MAGIX: variants seen among roughly 807,000 people sequenced by gnomAD.
MAGIX encodes MAGI family member, X-linked.
Under a neutral mutation model 10.0 loss-of-function variants are expected in MAGIX, and 13 were observed. The observed-to-expected ratio is 1.30, with a 90% CI of 0.84 to 2.06. MAGIX has a LOEUF of 2.06. Among genes scored for constraint, MAGIX ranks in the 30% most tolerant of loss-of-function variants. The pLI, the probability that MAGIX is intolerant of heterozygous loss-of-function variation, is 0.00. For synonymous variants in MAGIX, 108 were observed against 106.8 expected, an observed-to-expected ratio of 1.01 and a Z score of -0.07; for missense variants, 235 against 245.2, an observed-to-expected ratio of 0.96 and a Z score of 0.28.
intron 2 of MAGIX, 26 bp from the exon 3 acceptor site, chrX:49,164,681 C>A (rs2065353181): frequency 5.9e-6 from 7 of 1,180,967 alleles, no homozygotes; most frequent in Non-Finnish European, 8.1e-6. Flanking sequence ...CCCCCAACAG[C>A]CCTCTCCACT....
chrX:49,164,683 C>G (rs2065353207), intron 2 of MAGIX, 24 bp from the exon 3 acceptor site: 3 of 1,192,290 alleles, frequency 2.5e-6, no homozygotes, highest in Non-Finnish European at 3.4e-6. Flanking sequence ...CCCAACAGCC[C>G]TCTCCACTGC....
exon 3 of MAGIX, chrX:49,164,903 T>C (rs1265641804): frequency 1.7e-6 from 2 of 1,210,850 alleles, no homozygotes; most frequent in African/African-American, 3.5e-5. Flanking sequence ...CCCCAATTGA[T>C]CCAGGGTAAG....
At chrX:49,163,257 T>TG (rs2065341407) in intron 1 of MAGIX, 1 of 64,502 alleles carries the variant, frequency 1.6e-5, no homozygotes, top group African/African-American at 7.7e-5. Context: ...CTTAGTGAAC[T>TG]GGGGGGAGGG....
chrX:49,164,077 A>T (rs2147861411), intron 2 of MAGIX, 148 bp downstream of exon 2: 1 of 476,042 alleles, frequency 2.1e-6, no homozygotes, highest in South Asian at 8.5e-5. Flanking sequence ...GGGTGCTTCG[A>T]GTGGGAGGAG....
In MAGIX at chrX:49,162,878, G is replaced by C. The variant is rs201686562; in HGVS notation, c.-202+133G>C. On this transcript the variant is annotated intron_variant, in intron 1 of 4. Transcript: ENST00000616266. The stretch of plus-strand genomic sequence containing the variant: ...GCTGGCAGCCCTGCGTCCACCCGGC[G>C]GACTACTGGCCATGGAGCCGCGCAC... 1.5e-4 allele frequency: 140 copies of C among 905,200 alleles called. 4 individuals carry two copies. In the Middle Eastern group the frequency reaches 5.4e-3, roughly 35 times the overall value. 74.6% of individuals were successfully genotyped at this position (905,200 alleles called of 1,213,427 possible).
exon 5 of MAGIX, chrX:49,168,258 C>G (rs2065378968): frequency 9.1e-6 from 1 of 109,369 alleles, no homozygotes; most frequent in Non-Finnish European, 1.9e-5. Context: ...ATCACGAGGT[C>G]AAGAGTTCAA....
At chrX:49,163,424 G>A (rs1178772259) in intron 1 of MAGIX, 13 of 153,015 alleles carry the variant, frequency 8.5e-5, no homozygotes, top group Non-Finnish European at 1.4e-4. Flanking sequence ...GTCAGGCCGT[G>A]TTCTCCCAGG....
At chrX:49,166,083 G>T in exon 5 of MAGIX, 1 of 1,210,831 alleles carries the variant, frequency 8.3e-7, no homozygotes, top group Non-Finnish European at 1.1e-6. Context: ...GTCCCGTCAT[G>T]GCCAGATCGC....
intron 2 of MAGIX, 140 bp downstream of exon 2, chrX:49,164,069 G>T: frequency 1.9e-6 from 1 of 531,548 alleles, no homozygotes; most frequent in Non-Finnish European, 2.7e-6. Context: ...GGATCGGAGG[G>T]TGCTTCGAGT....
intron 1 of MAGIX, chrX:49,163,543 C>A (rs1161231010): frequency 3.1e-5 from 8 of 257,019 alleles, no homozygotes; most frequent in Non-Finnish European, 5.4e-5. Context: ...GTGTCTAGGA[C>A]TATTGCAGTC....
chrX:49,168,513 G>A (rs1248448576), downstream of MAGIX: 2 of 104,263 alleles, frequency 1.9e-5, no homozygotes, highest in African/African-American at 3.5e-5. Flanking sequence ...AGACATGGTG[G>A]TTTGTGCCTG....
intron 4 of MAGIX, chrX:49,165,732 T>G: frequency 3.2e-6 from 1 of 308,679 alleles, no homozygotes; most frequent in South Asian, 8.3e-5. Context: ...ATCCAGAGGG[T>G]AGGGGGTCTA....
chrX:49,166,492 T>A, exon 5 of MAGIX: 1 of 785,676 alleles, frequency 1.3e-6, no homozygotes, highest in Non-Finnish European at 1.8e-6. Context: ...CCCAAGAGCT[T>A]CCACTTGGTT....
intron 1 of MAGIX, chrX:49,162,828 C>A (rs2065337810): frequency 1.5e-6 from 1 of 688,290 alleles, no homozygotes; most frequent in Non-Finnish European, 2.1e-6. Flanking sequence ...GCCAGGTGAG[C>A]GCGCCCCAGA....
Position 49,165,199 on chromosome X carries a change from C to G in MAGIX, c.340C>G (p.Leu114Val), listed in dbSNP as rs5905720. 1,307 of 1,190,906 alleles carry G rather than the reference C, an allele frequency of 1.1e-3. 2 individuals carry two copies. The highest frequency in any genetic ancestry group is 5.5e-3 in the South Asian group (299 of 54,452). ...CATTGCACTCCTCCAGGTCGGGGAC[C>G]TCGTGCTCCACATCAACGGAGAGTC... The change falls in exon 4 of 5, where the codon CTC becomes GTC. Residue 114 changes from leucine (L) to valine (V), a missense_variant. Transcript: ENST00000616266.
intron 4 of MAGIX, chrX:49,165,724 C>G: frequency 3.2e-6 from 1 of 313,722 alleles, no homozygotes. Context: ...GGATGGGGAT[C>G]CAGAGGGTAG....
chrX:49,166,270 C>T (rs2065366736), exon 5 of MAGIX: 1 of 1,195,711 alleles, frequency 8.4e-7, no homozygotes, highest in Non-Finnish European at 1.1e-6. Context: ...CTGAGGATCC[C>T]AACGACCAGA....
chrX:49,163,486 TC>T (rs782792293), intron 1 of MAGIX: 81 of 196,089 alleles, frequency 4.1e-4, no homozygotes, highest in Non-Finnish European at 6.5e-4. Flanking sequence ...GAGTTGGGCA[TC>T]CAGGGTGATT....
At chrX:49,163,630 G>A in intron 1 of MAGIX, 153 bp from the exon 2 acceptor site, 2 of 464,771 alleles carry the variant, frequency 4.3e-6, no homozygotes, top group Non-Finnish European at 3.1e-6. Flanking sequence ...GATCGCGTGA[G>A]GGGAGGGACA....
Sources: allele counts gnomAD v4.1 joint callset, GRCh38; gene constraint gnomAD v4.1.1; transcripts MANE v1.5; gene names NCBI Gene and HGNC (gene_info 2026-07-23, HGNC 2026-07-21).